The following ASPM variants were observed in gnomAD, a reference collection of about 807,000 sequenced individuals.
ASPM encodes the protein assembly factor for spindle microtubules.
In ASPM, 256 loss-of-function variants were observed where a neutral mutation model predicts 366.4. That is an observed-to-expected ratio of 0.70 (90% CI 0.63 to 0.77). The LOEUF (loss-of-function observed/expected upper bound fraction) is 0.77. Among genes scored for constraint, ASPM ranks in the 30% least tolerant of loss-of-function variants. ASPM has a pLI of 0.00. For missense variants in ASPM, 4,146 were observed against 4,090.4 expected (o/e 1.01, Z -0.37); for synonymous variants, 1,414 against 1,342.9 (o/e 1.05, Z -1.16).
rs563858170 is a variant in ASPM, at chr1:197,143,319, G to C, written c.933C>G (p.Ser311Arg). Residue 311 changes from serine (S) to arginine (R), a missense_variant, in exon 3 of 28, where the codon AGC becomes AGG. Ser to Arg is a moderately radical substitution (Grantham distance 110, BLOSUM62 -1). Coordinates refer to ENST00000367409, the MANE Select transcript of ASPM (RefSeq NM_018136.5). ...NCSSTLNITQ[S>R]QIHFLSPDSF... ...AATCTGGACTTAGAAAATGTATTTGGCTTTGTGTAATGTTCAAAGTTGAAG... is the reference window on the plus strand; with the variant it reads ...AATCTGGACTTAGAAAATGTATTTGCCTTTGTGTAATGTTCAAAGTTGAAG... The C allele has an allele frequency of 4.2e-4, 675 of 1,613,804 alleles. 12 individuals are homozygous for C. The South Asian group carries it at 5.1e-3, about 12-fold the overall frequency.
At position 197,103,175 on chromosome 1, in the gene ASPM, TTAC is replaced by T; in HGVS notation, c.6073_6075del (p.Val2025del). The T allele has an allele frequency of 6.2e-7, 1 of 1,612,618 alleles. No homozygotes were observed. Among genetic ancestry groups the T allele is most frequent in the Middle Eastern group, 1.7e-4 (1 of 6,050 alleles). On this transcript the variant is annotated inframe_deletion, in exon 18 of 28. Coordinates refer to ENST00000367409, the MANE Select transcript of ASPM (RefSeq NM_018136.5). Reference sequence around the variant, plus strand: ...ATACCACGATAAGCTGACTGTAAAGTTACTACAGCTGCTTTTGTTTTCAAATAT... The same window carrying T: ...ATACCACGATAAGCTGACTGTAAAGTTACAGCTGCTTTTGTTTTCAAATAT...
At chr1:197,098,581 T>C (rs1306019957) in intron 18 of ASPM, among the ~76,000 whole-genome samples, 2 of 151,678 alleles carry the variant, frequency 1.3e-5, no homozygotes, top group Non-Finnish European at 3.0e-5. Flanking sequence ...TTCTCAGTAG[T>C]GTTAGGAATT....
Position 197,100,648 on chromosome 1 carries a change from T to C in ASPM, c.8603A>G (p.His2868Arg), listed in dbSNP as rs768406622. 2 of 1,612,220 alleles carry C rather than the reference T, an allele frequency of 1.2e-6. No individual in the cohort carries two copies. The highest frequency in any genetic ancestry group is 1.7e-6 in the Non-Finnish European group (2 of 1,178,936). The change falls in exon 18 of 28, where the codon CAT becomes CGT. Residue 2868 changes from histidine to arginine, a missense_variant. His to Arg is a conservative substitution (Grantham distance 29, BLOSUM62 0). Coordinates refer to ENST00000367409, the MANE Select transcript of ASPM (RefSeq NM_018136.5). ...QQKRAAITLQHYFRTWQTRKQ... is the reference protein window; with the variant it reads ...QQKRAAITLQRYFRTWQTRKQ... The stretch of plus-strand genomic sequence containing the variant: ...TCTGGTTTGCCACGTCCTAAAATAA[T>C]GCTGTAAAGTGATAGCAGCTCTTTT...
intron 17 of ASPM, among the ~76,000 whole-genome samples, chr1:197,113,854 T>C (rs770513303): frequency 7.2e-4 from 110 of 152,264 alleles, no homozygotes; most frequent in Non-Finnish European, 1.3e-3. Context: ...TTGTTCAACA[T>C]CATTAATGAA....
intron 7 of ASPM, among the ~76,000 whole-genome samples, chr1:197,130,849 T>G (rs1472511305): frequency 3.3e-5 from 5 of 152,210 alleles, no homozygotes; most frequent in African/African-American, 9.6e-5. Flanking sequence ...CTAACTAGTT[T>G]GTGCTTAGCT....
rs774587390 is a variant in ASPM, at chr1:197,100,431, C to T, written c.8820G>A (p.Gln2940=). ...QEIKNSTIKI[Q]AMWRRYRAKK... is the part of the protein sequence containing the mutation. ...ATATTTAAATTAAATATAGAAATACCTGAATTTTTATGGTGCTATTTTTAA... is the reference window on the plus strand; with the variant it reads ...ATATTTAAATTAAATATAGAAATACTTGAATTTTTATGGTGCTATTTTTAA... Residue 2940 remains glutamine (Q), a splice_region_variant and synonymous_variant, in exon 18 of 28, where the codon CAG becomes CAA. Transcript: ENST00000367409. The T allele has an allele frequency of 6.6e-7, 1 of 1,504,298 alleles. No individual in the cohort carries two copies. Among genetic ancestry groups the T allele is most frequent in the Non-Finnish European group, 9.0e-7 (1 of 1,110,554 alleles). 93.2% of individuals were successfully genotyped at this position (1,504,298 alleles called of 1,614,324 possible).
Position 197,091,894 on chromosome 1 carries a change from AG to A in ASPM, c.9444+12del, listed in dbSNP as rs1656796477. The A allele has an allele frequency of 1.2e-6, 2 of 1,608,478 alleles. No homozygotes were observed. Among genetic ancestry groups the A allele is most frequent in the African/African-American group, 2.7e-5 (2 of 74,692 alleles). ...ATTATATCATATAGTTTTACTGCAA[AG>A]AAGAAGCAAACCTGAATACAGATGA... On this transcript the variant is annotated intron_variant, in intron 22 of 27. Coordinates refer to ENST00000367409, the MANE Select transcript of ASPM (RefSeq NM_018136.5).
At chr1:197,121,324 CA>C (rs1304590299) in intron 16 of ASPM, among the ~76,000 whole-genome samples, 1 of 151,886 alleles carries the variant, frequency 6.6e-6, no homozygotes, top group African/African-American at 2.4e-5. Flanking sequence ...ATTGGGGTCA[CA>C]AAGGGAAACA....
chr1:197,086,939 T>C lies in ASPM; in HGVS notation c.10195A>G (p.Ile3399Val). 6.2e-7 allele frequency: 1 copy of C among 1,610,754 alleles called. No homozygotes were observed. The highest frequency in any genetic ancestry group is 8.5e-7 in the Non-Finnish European group (1 of 1,179,520). The change falls in exon 27 of 28, where the codon ATT (isoleucine) becomes GTT (valine). Residue 3399 changes from isoleucine (I) to valine (V), a missense_variant. Physicochemically the swap from Ile to Val is conservative, Grantham distance 29. Coordinates refer to ENST00000367409, the MANE Select transcript of ASPM (RefSeq NM_018136.5). The part of the protein sequence containing the change: ...VRSRSKVVDR[I>V]YSLYKLTAHK... ...GCTGTAAGTTTGTAGAGACTGTAAA[T>C]ACGGTCAACAACTTTGGACCTACTT...
rs749076617 is a variant in ASPM, at chr1:197,117,990, TAA to T, written c.3871-9_3871-8del. On this transcript the variant is annotated splice_region_variant and splice_polypyrimidine_tract_variant and intron_variant, in intron 16 of 27. Coordinates refer to ENST00000367409, the MANE Select transcript of ASPM (RefSeq NM_018136.5). ...TTGCAGCTTTCTCTCTCTCCTAAAA[TAA>T]AAAAGTCAGCAAATGTAAATTAAAC... The T allele has an allele frequency of 8.7e-6, 14 of 1,611,248 alleles. No homozygotes were observed. Among genetic ancestry groups the T allele is most frequent in the Non-Finnish European group, 1.2e-5 (14 of 1,177,904 alleles).
intron 17 of ASPM, among the ~76,000 whole-genome samples, chr1:197,111,382 T>C (rs1657579606): frequency 6.6e-6 from 1 of 152,030 alleles, no homozygotes; most frequent in Non-Finnish European, 1.5e-5. Flanking sequence ...CACAGTGAGA[T>C]ACCATCTCAC....
At chr1:197,109,112 A>C (rs902061664) in intron 17 of ASPM, among the ~76,000 whole-genome samples, 2 of 152,000 alleles carry the variant, frequency 1.3e-5, no homozygotes, top group African/African-American at 4.8e-5. Flanking sequence ...ATGTCAAGTA[A>C]AAAAAGAGGA....
At chr1:197,133,797 G>A (rs1658339516) in intron 5 of ASPM, among the ~76,000 whole-genome samples, 1 of 152,048 alleles carries the variant, frequency 6.6e-6, no homozygotes. Flanking sequence ...ACTTTTCACC[G>A]CCTCTACTAT....
At chr1:197,121,732 G>A (rs1180480981) in intron 16 of ASPM, among the ~76,000 whole-genome samples, 183 bp downstream of exon 16, 2 of 152,050 alleles carry the variant, frequency 1.3e-5, no homozygotes, top group Non-Finnish European at 2.9e-5. Context: ...ATCAAATGAA[G>A]GGAATATTAG....
chr1:197,124,859 A>C lies in ASPM; in HGVS notation c.3168+11T>G, dbSNP rs752113162. ...TGATAAAAAATACAAGATGTACCAA[A>C]TGTATAATACCTGAAAAGCAAACGC... On this transcript the variant is annotated intron_variant, in intron 12 of 27. Transcript: ENST00000367409. 104 of 1,576,040 alleles carry C rather than the reference A, an allele frequency of 6.6e-5. No homozygotes were observed. Among genetic ancestry groups the C allele is most frequent in the Non-Finnish European group, 8.6e-5 (99 of 1,146,918 alleles).
In ASPM at chr1:197,146,572, T is replaced by C; in HGVS notation, c.-135A>G. The C allele has an allele frequency of 2.2e-6, 2 of 927,342 alleles. No individual in the cohort carries two copies. The highest frequency in any genetic ancestry group is 1.6e-5 in the African/African-American group (1 of 60,790). The allele number at this position is 927,342 out of a possible 1,614,324, so 57.4% of individuals were successfully genotyped here. On this transcript the variant is annotated 5_prime_UTR_variant, in exon 1 of 28. Coordinates refer to ENST00000367409, the MANE Select transcript of ASPM (RefSeq NM_018136.5). Reference sequence around the variant, plus strand: ...GGTCGTGGGAGTGAATTCGGCCCTTTTTCTTTTCCACTAACCTACTCCCTA... The same window carrying C: ...GGTCGTGGGAGTGAATTCGGCCCTTCTTCTTTTCCACTAACCTACTCCCTA...
chr1:197,097,177 A>G (rs1446903326), intron 18 of ASPM, among the ~76,000 whole-genome samples: 1 of 151,756 alleles, frequency 6.6e-6, no homozygotes, highest in African/African-American at 2.4e-5. Flanking sequence ...CATTGTGAAG[A>G]CTGTTTCTCT....
chr1:197,105,821 GC>G (rs973032012), intron 17 of ASPM, among the ~76,000 whole-genome samples: 13 of 151,978 alleles, frequency 8.6e-5, no homozygotes, highest in Non-Finnish European at 1.8e-4. Flanking sequence ...CTTTTGAAAA[GC>G]CATGGTTACA....
At position 197,146,323 on chromosome 1, in the gene ASPM, G is replaced by C. The variant is rs146793621; in HGVS notation, c.115C>G (p.Leu39Val). 9 of 1,613,382 alleles carry C rather than the reference G, an allele frequency of 5.6e-6. No individual in the cohort carries two copies. Among genetic ancestry groups the C allele is most frequent in the African/African-American group, 1.3e-5 (1 of 74,928 alleles). ...AEEEASSPPV[L>V]SLSHFCRSPF... ...GACCTGCAGAAGTGGCTGAGAGACA[G>C]GACCGGCGGGGAAGACGCCTCCTCC... is the stretch of plus-strand genomic sequence containing the variant. Residue 39 changes from leucine (L) to valine (V), a missense_variant, in exon 1 of 28, where the codon CTG (leucine) becomes GTG (valine). Physicochemically the swap from Leu to Val is conservative, Grantham distance 32. Transcript: ENST00000367409.
Sources: allele counts gnomAD v4.1 joint callset (sites outside exome capture counted in the v4.1 genomes callset), GRCh38; gene constraint gnomAD v4.1.1; transcripts MANE v1.5; gene names NCBI Gene and HGNC (gene_info 2026-07-23, HGNC 2026-07-21).